The following PTK2 variants were observed in gnomAD, a reference collection of about 807,000 sequenced individuals.
PTK2 encodes the protein focal adhesion kinase 1.
Under a neutral mutation model 150.1 loss-of-function variants are expected in PTK2, and 45 were observed. That is an observed-to-expected ratio of 0.30 (90% CI 0.24 to 0.38). The LOEUF is 0.38. PTK2 is among the 10% of genes least tolerant of loss of function. The pLI is 1.00. For synonymous variants in PTK2, 432 were observed against 449.2 expected (o/e 0.96, Z 0.48); for missense variants, 919 against 1,307.3 (o/e 0.70, Z 4.58).
At chr8:140,831,054 A>G (rs73714765) in intron 7 of PTK2, among the ~76,000 whole-genome samples, 3,404 of 152,304 alleles carry the variant, frequency 0.022, 133 homozygotes, top group African/African-American at 0.079. Context: ...TCTCAGTTTC[A>G]CATTAGGAAA....
At chr8:140,991,095 T>G (rs1374524590) in intron 1 of PTK2, among the ~76,000 whole-genome samples, 1 of 152,200 alleles carries the variant, frequency 6.6e-6, no homozygotes, top group African/African-American at 2.4e-5. Flanking sequence ...CATCACCAAC[T>G]TCATCCTTGT....
chr8:140,693,691 G>A (rs1470844616), intron 26 of PTK2, among the ~76,000 whole-genome samples: 1 of 150,592 alleles, frequency 6.6e-6, no homozygotes, highest in Non-Finnish European at 1.5e-5. Context: ...AACACATTCT[G>A]TGCAGGGTTG....
At chr8:140,994,300 G>A (rs2100196817) in intron 1 of PTK2, among the ~76,000 whole-genome samples, 1 of 152,108 alleles carries the variant, frequency 6.6e-6, no homozygotes, top group Non-Finnish European at 1.5e-5. Flanking sequence ...TTTCATTAGA[G>A]TATTTATGCA....
chr8:140,932,266 G>C (rs1378153533), intron 1 of PTK2, among the ~76,000 whole-genome samples: 1 of 152,058 alleles, frequency 6.6e-6, no homozygotes, highest in Admixed American at 6.6e-5. Context: ...CCAGGCTGGA[G>C]TGCAGTAGTG....
intron 1 of PTK2, among the ~76,000 whole-genome samples, chr8:141,000,087 TCACACACACACACACA>T (rs71310820): frequency 2.5e-5 from 2 of 81,606 alleles, no homozygotes; most frequent in African/African-American, 1.4e-4. Context: ...TGAAACCAAT[TCACACACACACACACA>T]CACACACACA....
chr8:140,787,601 T>G (rs1940324515), intron 14 of PTK2, among the ~76,000 whole-genome samples: 2 of 152,140 alleles, frequency 1.3e-5, no homozygotes, highest in Non-Finnish European at 1.5e-5. Flanking sequence ...GAGTATTGAT[T>G]AAAAGAGATT....
intron 2 of PTK2, among the ~76,000 whole-genome samples, chr8:140,896,796 G>A (rs988028782): frequency 7.8e-6 from 1 of 127,686 alleles, no homozygotes; most frequent in Non-Finnish European, 1.9e-5. Context: ...AACGGGGGGG[G>A]GGGGTGGGTA....
At chr8:140,906,977 TCA>T (rs1446204103) in intron 2 of PTK2, among the ~76,000 whole-genome samples, 1 of 152,074 alleles carries the variant, frequency 6.6e-6, no homozygotes, top group African/African-American at 2.4e-5. Context: ...CTTAAGAAAC[TCA>T]CAGTTATTAA....
intron 29 of PTK2, 78 bp from the exon 34 acceptor site, chr8:140,668,502 C>A: frequency 6.8e-7 from 1 of 1,473,320 alleles, no homozygotes; most frequent in South Asian, 1.3e-5. Context: ...TAGAGAGGGT[C>A]TTTACAAGAG....
chr8:140,818,975 C>T (rs746207802), exon 9 of PTK2: 2 of 1,613,490 alleles, frequency 1.2e-6, no homozygotes, highest in Non-Finnish European at 1.7e-6. Context: ...TTAAGGTTGG[C>T]AAATTGTCTA....
intron 1 of PTK2, among the ~76,000 whole-genome samples, chr8:140,930,468 T>C (rs2154608515): frequency 6.6e-6 from 1 of 152,342 alleles, no homozygotes; most frequent in Middle Eastern, 3.4e-3. Context: ...CATAGACAAC[T>C]GATGCTTTTT....
intron 1 of PTK2, among the ~76,000 whole-genome samples, chr8:140,975,229 T>C (rs1265719469): frequency 1.3e-5 from 2 of 152,198 alleles, no homozygotes; most frequent in Admixed American, 6.5e-5. Context: ...CCCCTTCTAA[T>C]GTGGATTACT....
At chr8:140,828,792 T>A (rs2100113499) in intron 8 of PTK2, among the ~76,000 whole-genome samples, 1 of 152,138 alleles carries the variant, frequency 6.6e-6, no homozygotes, top group Admixed American at 6.5e-5. Flanking sequence ...CCAAAAACAT[T>A]CCAGGTCAAA....
chr8:140,853,210 C>T (rs915180282), intron 5 of PTK2, among the ~76,000 whole-genome samples: 11 of 150,882 alleles, frequency 7.3e-5, no homozygotes, highest in Admixed American at 5.3e-4. Context: ...TTTTTTAATA[C>T]TTTAAGTTTT....
intron 3 of PTK2, among the ~76,000 whole-genome samples, chr8:140,887,003 T>C (rs1348222391): frequency 6.6e-6 from 1 of 152,208 alleles, no homozygotes; most frequent in African/African-American, 2.4e-5. Context: ...CACTTATCTC[T>C]AGAGCTGCCT....
intron 4 of PTK2, among the ~76,000 whole-genome samples, chr8:140,877,615 C>T (rs78778973): frequency 0.019 from 2,961 of 152,004 alleles, 102 homozygotes; most frequent in African/African-American, 0.067. Context: ...ATGGCAGAGT[C>T]CCTGGCTCAG....
At chr8:140,954,164 G>A (rs1232421343) in intron 1 of PTK2, among the ~76,000 whole-genome samples, 1 of 152,092 alleles carries the variant, frequency 6.6e-6, no homozygotes, top group Non-Finnish European at 1.5e-5. Context: ...CTGTTTAGCA[G>A]AGATGGGGTT....
chr8:140,813,316 G>T (rs1450104230), intron 10 of PTK2, among the ~76,000 whole-genome samples: 1 of 151,912 alleles, frequency 6.6e-6, no homozygotes, highest in Non-Finnish European at 1.5e-5. Flanking sequence ...CAGAAATCAA[G>T]AAGTGCTTTG....
rs78308616 is a variant in PTK2 at position 140,882,239 on chromosome 8, A to G, written c.196-2602T>C. On this transcript the variant is annotated intron_variant, in intron 3 of 31. Transcript: ENST00000522684. ...ACTTAAGTAATTTTGAGAACTAAATATCTGGTCTGGATAACTCAACAAATA... is the reference window on the plus strand; with the variant it reads ...ACTTAAGTAATTTTGAGAACTAAATGTCTGGTCTGGATAACTCAACAAATA... 3.6e-4 allele frequency among the ~76,000 whole-genome samples: 55 copies of G among 152,342 alleles called. No individual in the cohort carries two copies. The East Asian group carries it at 9.6e-3, about 27-fold the overall frequency.
Sources: gnomAD v4.1 joint callset for allele counts (sites outside exome capture counted in the v4.1 genomes callset) on GRCh38, gnomAD v4.1.1 for gene constraint, MANE v1.5 for transcripts, NCBI Gene and HGNC (gene_info 2026-07-23, HGNC 2026-07-21) for gene names.